EEIG2: variants seen among roughly 807,000 people sequenced by gnomAD.
EEIG2 encodes family with sequence similarity 102 member B.
chr1:108,636,762 G>A, the EEIG2 span: 2 of 150,478 alleles, frequency 1.3e-5, no homozygotes, highest in African/African-American at 5.0e-5. Flanking sequence ...GCCTAACCAA[G>A]GGACTTAAGT....
At chr1:108,633,590 A>G in the EEIG2 span, among the ~76,000 whole-genome samples, 1 of 152,166 alleles carries the variant, frequency 6.6e-6, no homozygotes, top group Non-Finnish European at 1.5e-5. Flanking sequence ...TTCTGACAAG[A>G]AGTCTGCCTG....
chr1:108,571,324 G>T, the EEIG2 span, among the ~76,000 whole-genome samples: 1 of 152,170 alleles, frequency 6.6e-6, no homozygotes, highest in East Asian at 1.9e-4. Context: ...TGCTGTAGGG[G>T]TACAATACAG....
the EEIG2 span, among the ~76,000 whole-genome samples, chr1:108,576,600 T>C: frequency 1.4e-5 from 2 of 143,622 alleles, no homozygotes; most frequent in Non-Finnish European, 3.0e-5. Flanking sequence ...TCCAATTTCA[T>C]CCATGTCCCT....
chr1:108,599,029 G>T, the EEIG2 span, among the ~76,000 whole-genome samples: 1 of 152,040 alleles, frequency 6.6e-6, no homozygotes, highest in Non-Finnish European at 1.5e-5. Context: ...GTTGAGTGTG[G>T]TAGTGTATGC....
the EEIG2 span, among the ~76,000 whole-genome samples, chr1:108,614,110 GCTTCTACTTCC>G: frequency 2.7e-5 from 4 of 147,088 alleles, no homozygotes; most frequent in Non-Finnish European, 4.5e-5. Context: ...GCCCTGACTT[GCTTCTACTTCC>G]CTGTCTATCC....
the EEIG2 span, chr1:108,624,808 A>G: frequency 2.9e-6 from 4 of 1,377,294 alleles, no homozygotes; most frequent in South Asian, 1.2e-5. Flanking sequence ...TGCCCTAAAA[A>G]TTCTTTGGGA....
At chr1:108,586,307 G>A in the EEIG2 span, among the ~76,000 whole-genome samples, 5 of 130,536 alleles carry the variant, frequency 3.8e-5, no homozygotes, top group Admixed American at 8.3e-5. Flanking sequence ...GGTGGTTTAC[G>A]CAGAGGGGTG....
chr1:108,567,174 A>T, the EEIG2 span, among the ~76,000 whole-genome samples: 1 of 152,124 alleles, frequency 6.6e-6, no homozygotes, highest in East Asian at 1.9e-4. Flanking sequence ...AAATTTTTTA[A>T]TTAAAAAATT....
At chr1:108,605,013 G>A in the EEIG2 span, among the ~76,000 whole-genome samples, 3 of 151,928 alleles carry the variant, frequency 2.0e-5, no homozygotes, top group Non-Finnish European at 2.9e-5. Flanking sequence ...ACTGCACTCC[G>A]GCCTGGTTGA....
the EEIG2 span, among the ~76,000 whole-genome samples, chr1:108,571,878 A>G: frequency 1.6e-3 from 244 of 152,128 alleles, no homozygotes; most frequent in African/African-American, 5.6e-3. Context: ...AGGATGAACT[A>G]TTCTTCCTTC....
At chr1:108,570,986 C>T in the EEIG2 span, among the ~76,000 whole-genome samples, 1 of 152,042 alleles carries the variant, frequency 6.6e-6, no homozygotes, top group Non-Finnish European at 1.5e-5. Context: ...GAGCAGGCCA[C>T]AGTTGGCAGG....
the EEIG2 span, chr1:108,560,298 G>T: frequency 1.6e-6 from 1 of 633,006 alleles, no homozygotes; most frequent in Non-Finnish European, 2.0e-6. Context: ...GCCGGCCTGC[G>T]GCGCCCCCCG....
At chr1:108,611,253 T>C in the EEIG2 span, among the ~76,000 whole-genome samples, 1 of 152,212 alleles carries the variant, frequency 6.6e-6, no homozygotes. Flanking sequence ...TATTGTATAT[T>C]TATGGAAATA....
At chr1:108,561,246 C>G in the EEIG2 span, among the ~76,000 whole-genome samples, 1 of 152,138 alleles carries the variant, frequency 6.6e-6, no homozygotes, top group Non-Finnish European at 1.5e-5. Context: ...GAGGCATTAG[C>G]AGGTTACAGA....
chr1:108,582,321 T>A, the EEIG2 span, among the ~76,000 whole-genome samples: 1 of 152,262 alleles, frequency 6.6e-6, no homozygotes, highest in East Asian at 1.9e-4. Flanking sequence ...ATGCCTGTAT[T>A]CCAGGCCATT....
At chr1:108,591,585 A>G in the EEIG2 span, among the ~76,000 whole-genome samples, 15 of 152,202 alleles carry the variant, frequency 9.9e-5, no homozygotes, top group African/African-American at 2.4e-5. Flanking sequence ...AGGCAGAGAG[A>G]ACGGGAAATG....
the EEIG2 span, among the ~76,000 whole-genome samples, chr1:108,565,057 G>A: frequency 6.6e-6 from 1 of 152,140 alleles, no homozygotes. Context: ...AGACTAAAAG[G>A]TAATTATTTG....
chr1:108,595,814 A>T, the EEIG2 span, among the ~76,000 whole-genome samples: 1 of 152,298 alleles, frequency 6.6e-6, no homozygotes, highest in South Asian at 2.1e-4. Flanking sequence ...CGTATATGTT[A>T]TCATTTGCAC....
the EEIG2 span, among the ~76,000 whole-genome samples, chr1:108,613,856 A>G: frequency 1.3e-4 from 20 of 151,930 alleles, no homozygotes; most frequent in Non-Finnish European, 1.5e-5. Flanking sequence ...ATCTTCTATG[A>G]GTCTAAGGCT....
Sources: allele counts gnomAD v4.1 joint callset (sites outside exome capture counted in the v4.1 genomes callset), GRCh38; gene constraint gnomAD v4.1.1; transcripts MANE v1.5; gene names NCBI Gene and HGNC (gene_info 2026-07-23, HGNC 2026-07-21).